The following SAMD5 variants were observed in gnomAD, a reference collection of about 807,000 sequenced individuals.
SAMD5 encodes sterile alpha motif domain containing 5.
In SAMD5, 13 loss-of-function variants were observed where a neutral mutation model predicts 11.3. The observed-to-expected ratio is 1.15, with a 90% CI of 0.75 to 1.83. SAMD5 has a LOEUF of 1.83. SAMD5 is among the 40% of genes most tolerant of loss of function. SAMD5 has a pLI of 0.00. For missense variants in SAMD5, 255 were observed against 239.1 expected, an observed-to-expected ratio of 1.07 and a Z score of -0.44; for synonymous variants, 129 against 111.3, an observed-to-expected ratio of 1.16 and a Z score of -1.00.
chr6:147,690,644 C>T (rs1030717878), intron 1 of SAMD5, among the ~76,000 whole-genome samples: 2 of 152,008 alleles, frequency 1.3e-5, no homozygotes, highest in Non-Finnish European at 2.9e-5. Context: ...GTGAGACTGT[C>T]TCAAAAAATA....
At chr6:147,624,267 C>A (rs986252032) in intron 1 of SAMD5, among the ~76,000 whole-genome samples, 2 of 152,134 alleles carry the variant, frequency 1.3e-5, no homozygotes, top group African/African-American at 4.8e-5. Context: ...GAAGGCCGAG[C>A]CCAGCTGAGG....
At chr6:147,580,291 T>C (rs998942311) in intron 1 of SAMD5, among the ~76,000 whole-genome samples, 2 of 152,190 alleles carry the variant, frequency 1.3e-5, no homozygotes, top group African/African-American at 2.4e-5. Context: ...AACACTACCA[T>C]TCCACCAGGT....
chr6:147,903,091 T>A, the SAMD5 span, among the ~76,000 whole-genome samples: 1 of 152,186 alleles, frequency 6.6e-6, no homozygotes, highest in Non-Finnish European at 1.5e-5. Context: ...CTCTATGAGG[T>A]CAGGCCTTCA....
chr6:147,736,923 T>C (rs1278908641), intron 1 of SAMD5, among the ~76,000 whole-genome samples: 1 of 152,164 alleles, frequency 6.6e-6, no homozygotes, highest in Admixed American at 6.6e-5. Flanking sequence ...TATTTATTCA[T>C]ATTAACTACA....
intron 1 of SAMD5, among the ~76,000 whole-genome samples, chr6:147,679,659 A>G (rs1790913164): frequency 1.3e-5 from 2 of 152,076 alleles, no homozygotes; most frequent in South Asian, 2.1e-4. Flanking sequence ...AAATGTTGAT[A>G]AAGTCCAATG....
At chr6:147,750,444 G>A in the SAMD5 span, among the ~76,000 whole-genome samples, 1 of 152,022 alleles carries the variant, frequency 6.6e-6, no homozygotes, top group African/African-American at 2.4e-5. Context: ...GTGTCTATAT[G>A]TATTCATCTA....
At chr6:147,585,395 A>G (rs1304945195) in intron 1 of SAMD5, among the ~76,000 whole-genome samples, 1 of 152,130 alleles carries the variant, frequency 6.6e-6, no homozygotes, top group African/African-American at 2.4e-5. Flanking sequence ...ATTTCCCCAA[A>G]GTCAATAACT....
At chr6:147,902,190 G>A in the SAMD5 span, among the ~76,000 whole-genome samples, 1 of 152,058 alleles carries the variant, frequency 6.6e-6, no homozygotes, top group Non-Finnish European at 1.5e-5. Flanking sequence ...ATCTCTCAGA[G>A]ATGGCTCTAA....
chr6:147,763,481 T>C, the SAMD5 span, among the ~76,000 whole-genome samples: 1 of 151,314 alleles, frequency 6.6e-6, no homozygotes, highest in Non-Finnish European at 1.5e-5. Context: ...TTTTTTTTTT[T>C]ATTAACCAGA....
chr6:147,858,677 GC>G, the SAMD5 span, among the ~76,000 whole-genome samples: 1 of 152,118 alleles, frequency 6.6e-6, no homozygotes, highest in Non-Finnish European at 1.5e-5. Context: ...TCATTAAATC[GC>G]CCCATCAGGC....
intron 1 of SAMD5, among the ~76,000 whole-genome samples, chr6:147,654,345 T>G (rs1790534880): frequency 6.6e-6 from 1 of 152,098 alleles, no homozygotes; most frequent in African/African-American, 2.4e-5. Context: ...TACCTTTCTA[T>G]AAAAGTATGA....
the SAMD5 span, among the ~76,000 whole-genome samples, chr6:147,922,424 G>A: frequency 1.3e-5 from 2 of 152,172 alleles, no homozygotes; most frequent in Admixed American, 6.6e-5. Flanking sequence ...AGTTCCGGGT[G>A]TATGTGGGTT....
the SAMD5 span, among the ~76,000 whole-genome samples, chr6:147,954,511 C>T: frequency 2.0e-5 from 3 of 152,118 alleles, no homozygotes; most frequent in Non-Finnish European, 4.4e-5. Flanking sequence ...TTTTTAAAAC[C>T]TATGGGAGTG....
rs377391422 is a variant in SAMD5 at position 147,621,394 on chromosome 6, G to C, written c.162+112007G>C. The stretch of plus-strand genomic sequence containing the variant: ...GTGCATGAGTCAAGGTTGGAGATGG[G>C]AGCAGGAGAAAGGGAGAGTCAGGGA... On this transcript the variant is annotated intron_variant, in intron 1 of 1. Transcript: ENST00000566741. Among the ~76,000 whole-genome samples the C allele has an allele frequency of 2.6e-5, 4 of 152,292 alleles. No individual in the cohort carries two copies. In the East Asian group the frequency reaches 5.8e-4, roughly 22 times the overall value.
rs988225392 is a variant in SAMD5, at chr6:147,621,611, G to C, written c.162+112224G>C. Reference sequence around the variant, plus strand: ...CTTCGCTAGTGATGATTTGGGAGTAGACATATGACCCAGGTCAGGTCAACA... The same window carrying C: ...CTTCGCTAGTGATGATTTGGGAGTACACATATGACCCAGGTCAGGTCAACA... On this transcript the variant is annotated intron_variant, in intron 1 of 1. Transcript: ENST00000566741. Among the ~76,000 whole-genome samples the C allele has an allele frequency of 1.4e-4, 22 of 152,212 alleles. 1 individual carries two copies. Among genetic ancestry groups the C allele is most frequent in the Admixed American group, 1.4e-3 (21 of 15,278 alleles).
At chr6:147,515,776 T>G (rs1306823925) in intron 1 of SAMD5, among the ~76,000 whole-genome samples, 1 of 152,176 alleles carries the variant, frequency 6.6e-6, no homozygotes, top group Non-Finnish European at 1.5e-5. Context: ...CAAAGTTGAA[T>G]GTTATTTCTG....
intron 1 of SAMD5, among the ~76,000 whole-genome samples, chr6:147,594,150 C>T (rs994750647): frequency 3.9e-5 from 6 of 152,004 alleles, no homozygotes; most frequent in Non-Finnish European, 7.4e-5. Context: ...AAAAAAGCAA[C>T]GGGAGCAAAA....
chr6:147,878,832 G>A, the SAMD5 span, among the ~76,000 whole-genome samples: 1 of 151,778 alleles, frequency 6.6e-6, no homozygotes, highest in South Asian at 2.1e-4. Flanking sequence ...TCGGCTCACT[G>A]CAAGCTCCAC....
At chr6:147,843,143 C>T in the SAMD5 span, among the ~76,000 whole-genome samples, 1,106 of 152,254 alleles carry the variant, frequency 7.3e-3, 21 homozygotes, top group African/African-American at 0.024. Context: ...GGATTACAGG[C>T]GTGAGCCACT....
Sources: allele counts gnomAD v4.1 joint callset (sites outside exome capture counted in the v4.1 genomes callset), GRCh38; gene constraint gnomAD v4.1.1; transcripts MANE v1.5; gene names NCBI Gene and HGNC (gene_info 2026-07-23, HGNC 2026-07-21).